IL12RB2: variants seen among roughly 807,000 people sequenced by gnomAD.
The protein encoded by IL12RB2 is interleukin-12 receptor subunit beta-2.
IL12RB2 carries 82 observed loss-of-function variants against 89.4 expected under a neutral mutation model. The observed-to-expected ratio is 0.92, with a 90% confidence interval of 0.77 to 1.10. IL12RB2 has a LOEUF of 1.10. Among genes scored for constraint, IL12RB2 ranks in the 50% least tolerant of loss-of-function variants. The pLI is 0.00. For synonymous variants in IL12RB2, 368 were observed against 370.1 expected, an observed-to-expected ratio of 0.99 and a Z score of 0.07; for missense variants, 963 against 1,031.9, an observed-to-expected ratio of 0.93 and a Z score of 0.92.
chr1:67,386,750 A>G, intron 15 of IL12RB2, 81 bp downstream of exon 15: 1 of 929,962 alleles, frequency 1.1e-6, no homozygotes, highest in South Asian at 1.3e-5. Flanking sequence ...GGTCAGGGAA[A>G]TGGACACTCT....
At chr1:67,337,997 T>C (rs981559983) in intron 8 of IL12RB2, among the ~76,000 whole-genome samples, 3 of 151,924 alleles carry the variant, frequency 2.0e-5, no homozygotes, top group Non-Finnish European at 4.4e-5. Context: ...AAGCCACATG[T>C]ACTTTCCTTG....
At chr1:67,382,937 T>A (rs1258685486) in intron 14 of IL12RB2, among the ~76,000 whole-genome samples, 2 of 152,192 alleles carry the variant, frequency 1.3e-5, no homozygotes, top group East Asian at 3.8e-4. Flanking sequence ...TGAGCCAGTT[T>A]TCCATGCTGT....
chr1:67,316,989 T>A (rs1424405566), intron 2 of IL12RB2, among the ~76,000 whole-genome samples: 1 of 152,188 alleles, frequency 6.6e-6, no homozygotes, highest in Non-Finnish European at 1.5e-5. Flanking sequence ...TCCCAAGGAC[T>A]TGGCACTTAG....
In IL12RB2 at chr1:67,397,760, G is replaced by C. The variant is rs1170952625; in HGVS notation, c.*1671G>C. 6.6e-6 allele frequency among the ~76,000 whole-genome samples: 1 copy of C among 152,144 alleles called. No individual in the cohort carries two copies. The highest frequency in any genetic ancestry group is 1.5e-5 in the Non-Finnish European group (1 of 68,032). ...TTTTCTTAAATTCCTGTCAAGCCTGGGGTCCACCCCGTACCCCTTCCCACA... is the reference window on the plus strand; with the variant it reads ...TTTTCTTAAATTCCTGTCAAGCCTGCGGTCCACCCCGTACCCCTTCCCACA... On this transcript the variant is annotated 3_prime_UTR_variant, in exon 17 of 17. Coordinates refer to ENST00000674203, the MANE Select transcript of IL12RB2 (RefSeq NM_001374259.2).
chr1:67,334,591 A>G (rs145585580), intron 8 of IL12RB2, among the ~76,000 whole-genome samples: 2,218 of 151,736 alleles, frequency 0.015, 70 homozygotes, highest in East Asian at 0.12. Flanking sequence ...CCATTCTCCT[A>G]CCTCAGCCTC....
intron 14 of IL12RB2, among the ~76,000 whole-genome samples, chr1:67,384,577 C>A (rs1189790346): frequency 6.6e-6 from 1 of 152,234 alleles, no homozygotes; most frequent in Non-Finnish European, 1.5e-5. Flanking sequence ...ATGCAAATTT[C>A]TGCAGCCAGC....
intron 9 of IL12RB2, among the ~76,000 whole-genome samples, chr1:67,339,150 A>G (rs139986084): frequency 3.9e-4 from 60 of 152,350 alleles, no homozygotes; most frequent in African/African-American, 1.4e-3. Context: ...GAGAAGGAGG[A>G]AAGAAAGCTG....
At chr1:67,383,491 A>G (rs1380933451) in intron 14 of IL12RB2, among the ~76,000 whole-genome samples, 1 of 152,186 alleles carries the variant, frequency 6.6e-6, no homozygotes, top group Admixed American at 6.5e-5. Flanking sequence ...CAAAAGTCCA[A>G]GTCCAAAGTC....
At chr1:67,380,313 C>A (rs1377010944) in intron 14 of IL12RB2, among the ~76,000 whole-genome samples, 190 bp downstream of exon 14, 1 of 152,204 alleles carries the variant, frequency 6.6e-6, no homozygotes, top group African/African-American at 2.4e-5. Context: ...GAGACAATGT[C>A]TACTCATGTT....
chr1:67,381,237 T>A (rs1393405766), intron 14 of IL12RB2, among the ~76,000 whole-genome samples: 3 of 152,170 alleles, frequency 2.0e-5, no homozygotes, highest in Non-Finnish European at 4.4e-5. Flanking sequence ...AAATTAAATT[T>A]GAGTCTGATG....
At chr1:67,366,085 A>G (rs6588258) in intron 10 of IL12RB2, among the ~76,000 whole-genome samples, 19,607 of 152,182 alleles carry the variant, frequency 0.13, 1,825 homozygotes, top group African/African-American at 0.25. Context: ...AGTGAAGTAC[A>G]TGAATTGGCA....
rs1457396342 is a variant in IL12RB2, at chr1:67,330,773, T to C, written c.921T>C (p.Asp307=). Residue 307 remains aspartate, a synonymous_variant, in exon 8 of 17, where the codon GAT becomes GAC. Transcript: ENST00000674203. Reference sequence around the variant, plus strand: ...ATCTTTATAAGGGAAGTTGGAGTGATTGGAGTGAATCATTGAGAGCACAAA... The same window carrying C: ...ATCTTTATAAGGGAAGTTGGAGTGACTGGAGTGAATCATTGAGAGCACAAA... ...KLHLYKGSWS[D]WSESLRAQTP... The C allele has an allele frequency of 1.3e-6, 2 of 1,572,578 alleles. No individual in the cohort carries two copies. The highest frequency in any genetic ancestry group is 1.7e-5 in the Admixed American group (1 of 59,950).
rs561194145 is a variant in IL12RB2 at position 67,377,546 on chromosome 1, T to C, written c.1718-2440T>C. ...CTGTAACTTCACATGCTTACTTTAT[T>C]TTATGTCAAACATAGATTTACTGAG... On this transcript the variant is annotated intron_variant, in intron 13 of 16. Transcript: ENST00000674203. 1.8e-4 allele frequency among the ~76,000 whole-genome samples: 28 copies of C among 152,276 alleles called. No homozygotes were observed. In the South Asian group the frequency reaches 5.8e-3, roughly 32 times the overall value.
chr1:67,320,314 A>G lies in IL12RB2; in HGVS notation c.-36-19A>G. ...TTCTGAACATATTTAACATGAATGA[A>G]TTTGTCTTCTTTTGCAAGGAAGAAT... On this transcript the variant is annotated intron_variant, in intron 2 of 16. Transcript: ENST00000674203. 3.1e-6 allele frequency: 5 copies of G among 1,613,438 alleles called. No homozygotes were observed. The highest frequency in any genetic ancestry group is 1.1e-5 in the South Asian group (1 of 91,052).
intron 15 of IL12RB2, among the ~76,000 whole-genome samples, chr1:67,389,588 C>A (rs1437466315): frequency 6.6e-6 from 1 of 152,128 alleles, no homozygotes; most frequent in Non-Finnish European, 1.5e-5. Context: ...GCTATTTATA[C>A]CATTTTGAAT....
intron 15 of IL12RB2, among the ~76,000 whole-genome samples, chr1:67,386,870 TTTTATATATATATATATATATA>T: frequency 8.6e-6 from 1 of 116,454 alleles, no homozygotes; most frequent in African/African-American, 4.0e-5. Context: ...TAGAAATGTA[TTTTATATATATATATATATATA>T]TATATATATA....
chr1:67,395,945 C>G lies in IL12RB2; in HGVS notation c.2445C>G (p.Leu815=). 1 of 1,611,302 alleles carries G rather than the reference C, an allele frequency of 6.2e-7. No homozygotes were observed. Among genetic ancestry groups the G allele is most frequent in the Non-Finnish European group, 8.5e-7 (1 of 1,177,332 alleles). ...ACCTCCCCTCACATGAGGCACCTCT[C>G]GCTGACTCTCTGGAAGAACTGGAGC... The part of the protein sequence containing the change: ...IDDLPSHEAP[L]ADSLEELEPQ... Residue 815 remains leucine, a synonymous_variant, in exon 17 of 17, where the codon CTC becomes CTG. Transcript: ENST00000674203.
chr1:67,342,092 T>A (rs1014098520), intron 9 of IL12RB2, among the ~76,000 whole-genome samples: 4 of 152,226 alleles, frequency 2.6e-5, no homozygotes, highest in Non-Finnish European at 4.4e-5. Flanking sequence ...GGGAGTTATC[T>A]AAGTGTCAGG....
chr1:67,341,543 G>GAAAGA, intron 9 of IL12RB2, among the ~76,000 whole-genome samples: 1 of 49,526 alleles, frequency 2.0e-5, no homozygotes, highest in South Asian at 9.0e-4. Context: ...AAGAAAGAAA[G>GAAAGA]AAAGAAAGAA....
Sources: allele counts gnomAD v4.1 joint callset (sites outside exome capture counted in the v4.1 genomes callset), GRCh38; gene constraint gnomAD v4.1.1; transcripts MANE v1.5; gene names NCBI Gene and HGNC (gene_info 2026-07-23, HGNC 2026-07-21).